GALNT13: variants seen among roughly 807,000 people sequenced by gnomAD.
The protein encoded by GALNT13 is polypeptide N-acetylgalactosaminyltransferase 13.
GALNT13 carries 28 observed loss-of-function variants against 64.2 expected under a neutral mutation model. The observed-to-expected ratio is 0.44, with a 90% CI of 0.32 to 0.60. The LOEUF (loss-of-function observed/expected upper bound fraction) is 0.60, where lower values mean the gene tolerates loss of function less well. Ranked by LOEUF, GALNT13 falls within the 20% of genes least tolerant of loss-of-function variation. The probability of loss-of-function intolerance (pLI) is 0.05; values close to 1 mark genes in which losing one functional copy is unlikely to be tolerated. For missense variants in GALNT13, 577 were observed against 669.8 expected (o/e 0.86, Z 1.53); for synonymous variants, 214 against 224.6 (o/e 0.95, Z 0.42).
At chr2:153,407,214 C>T in the GALNT13 span, among the ~76,000 whole-genome samples, 2 of 152,092 alleles carry the variant, frequency 1.3e-5, no homozygotes, top group South Asian at 4.1e-4. Context: ...CCTCCAGAAA[C>T]AGAAACTCAG....
the GALNT13 span, among the ~76,000 whole-genome samples, chr2:153,374,499 T>C: frequency 6.1e-3 from 928 of 152,280 alleles, 10 homozygotes; most frequent in African/African-American, 0.021. Flanking sequence ...GATTTGTGCC[T>C]TGAAAATACT....
At chr2:153,455,964 G>A in the GALNT13 span, among the ~76,000 whole-genome samples, 40 of 152,284 alleles carry the variant, frequency 2.6e-4, no homozygotes, top group Non-Finnish European at 4.9e-4. Context: ...GATCAGAAAG[G>A]TACTAGCCCC....
chr2:154,103,111 CT>C (rs1406682782), intron 3 of GALNT13, among the ~76,000 whole-genome samples: 2 of 151,152 alleles, frequency 1.3e-5, no homozygotes, highest in East Asian at 3.9e-4. Context: ...TTTCAAATTT[CT>C]TTTTCTTATT....
the GALNT13 span, among the ~76,000 whole-genome samples, chr2:153,399,043 T>G: frequency 0.27 from 33,354 of 122,652 alleles, 5,949 homozygotes; most frequent in Non-Finnish European, 0.4. Context: ...CTTCTAGGGT[T>G]TTTATGGTTT....
chr2:154,323,339 C>A (rs1694722516), intron 9 of GALNT13, among the ~76,000 whole-genome samples: 1 of 151,932 alleles, frequency 6.6e-6, no homozygotes, highest in African/African-American at 2.4e-5. Flanking sequence ...CCATCTTTAA[C>A]CTACCACAGT....
the GALNT13 span, among the ~76,000 whole-genome samples, chr2:153,366,846 C>T: frequency 2.0e-5 from 3 of 151,014 alleles, no homozygotes; most frequent in South Asian, 6.3e-4. Context: ...ACAAAATTAG[C>T]ATTGCTTACA....
At chr2:153,306,383 A>G in the GALNT13 span, among the ~76,000 whole-genome samples, 1 of 152,206 alleles carries the variant, frequency 6.6e-6, no homozygotes, top group South Asian at 2.1e-4. Flanking sequence ...TGATAAGCTT[A>G]TATATAGCCA....
At chr2:153,559,938 AT>A in the GALNT13 span, among the ~76,000 whole-genome samples, 2 of 152,076 alleles carry the variant, frequency 1.3e-5, no homozygotes, top group African/African-American at 4.8e-5. Flanking sequence ...TATCTAATCA[AT>A]TTTAAAAATA....
the GALNT13 span, among the ~76,000 whole-genome samples, chr2:153,221,358 T>C: frequency 6.6e-6 from 1 of 152,036 alleles, no homozygotes; most frequent in Admixed American, 6.5e-5. Context: ...ATCTATGTCG[T>C]CTAAACCACT....
At chr2:153,497,700 G>T in the GALNT13 span, among the ~76,000 whole-genome samples, 1 of 151,640 alleles carries the variant, frequency 6.6e-6, no homozygotes, top group East Asian at 1.9e-4. Context: ...ATCACGCCCG[G>T]CTACTTTTTG....
At chr2:153,874,941 G>A (rs1251501838) in intron 1 of GALNT13, among the ~76,000 whole-genome samples, 1 of 152,058 alleles carries the variant, frequency 6.6e-6, no homozygotes, top group Non-Finnish European at 1.5e-5. Flanking sequence ...AAGTAAGTTG[G>A]GACATGGCAT....
intron 3 of GALNT13, among the ~76,000 whole-genome samples, chr2:154,123,123 AC>A: frequency 6.6e-6 from 1 of 152,040 alleles, no homozygotes; most frequent in Non-Finnish European, 1.5e-5. Context: ...ACATTTTTAA[AC>A]AAAAAGCTGA....
chr2:154,207,031 A>C (rs1687498601), intron 4 of GALNT13, among the ~76,000 whole-genome samples: 1 of 152,152 alleles, frequency 6.6e-6, no homozygotes, highest in African/African-American at 2.4e-5. Context: ...TGTCTGCATT[A>C]AATCCATGTT....
intron 9 of GALNT13, among the ~76,000 whole-genome samples, chr2:154,303,420 A>T (rs1397372206): frequency 6.6e-6 from 1 of 152,084 alleles, no homozygotes; most frequent in African/African-American, 2.4e-5. Context: ...TCTGCTCCTT[A>T]CTGTACATAT....
intron 4 of GALNT13, among the ~76,000 whole-genome samples, chr2:154,236,494 A>G (rs1303988115): frequency 6.6e-6 from 1 of 152,108 alleles, no homozygotes; most frequent in African/African-American, 2.4e-5. Flanking sequence ...AGCCACAGAT[A>G]TATTATCATA....
chr2:154,184,297 A>G (rs1233295945), intron 4 of GALNT13, among the ~76,000 whole-genome samples: 2 of 152,028 alleles, frequency 1.3e-5, no homozygotes, highest in African/African-American at 4.8e-5. Context: ...CTTTGTGTGT[A>G]CTTAAGAATA....
At chr2:153,422,615 T>G in the GALNT13 span, among the ~76,000 whole-genome samples, 1 of 151,576 alleles carries the variant, frequency 6.6e-6, no homozygotes, top group Non-Finnish European at 1.5e-5. Context: ...TTAAATAAAC[T>G]AATACAATAG....
At chr2:154,088,486 T>C (rs1254590099) in intron 3 of GALNT13, among the ~76,000 whole-genome samples, 1 of 152,150 alleles carries the variant, frequency 6.6e-6, no homozygotes, top group Non-Finnish European at 1.5e-5. Context: ...AGTTTTGCTC[T>C]TGTTGCCTAG....
chr2:153,904,625 A>G (rs1018810843), intron 2 of GALNT13, among the ~76,000 whole-genome samples: 1 of 151,702 alleles, frequency 6.6e-6, no homozygotes, highest in Admixed American at 6.6e-5. Context: ...TCATATGTGT[A>G]TTTTTCTATT....
Sources: allele counts gnomAD v4.1 joint callset (sites outside exome capture counted in the v4.1 genomes callset), GRCh38; gene constraint gnomAD v4.1.1; transcripts MANE v1.5; gene names NCBI Gene and HGNC (gene_info 2026-07-23, HGNC 2026-07-21).